The following CPT1A variants were observed in gnomAD, a reference collection of about 807,000 sequenced individuals.
CPT1A encodes carnitine O-palmitoyltransferase 1, liver isoform.
In CPT1A, 64 loss-of-function variants were observed where a neutral mutation model predicts 100.8. That is an observed-to-expected ratio of 0.63 (90% CI 0.52 to 0.78). The LOEUF is 0.78. Among genes scored for constraint, CPT1A ranks in the 30% least tolerant of loss-of-function variants. CPT1A has a pLI of 0.00. For missense variants in CPT1A, 802 were observed against 1,034.1 expected (o/e 0.78, Z 3.08); for synonymous variants, 363 against 396.0 (o/e 0.92, Z 0.99).
chr11:68,838,502 C>G (rs1341509279), intron 1 of CPT1A, among the ~76,000 whole-genome samples: 1 of 139,242 alleles, frequency 7.2e-6, no homozygotes, highest in Non-Finnish European at 1.5e-5. Flanking sequence ...GTCAAAGAAA[C>G]TGGTAATAGT....
In CPT1A at chr11:68,762,725, T is replaced by C. The variant is rs1335224974; in HGVS notation, c.1777A>G (p.Met593Val). Reference sequence around the variant, plus strand: ...CTCCCCTCTCGGAAGAGCCGGGTCATGGAGGCCTCGTATGTGAGGCAAAAC... The same window carrying C: ...CTCCCCTCTCGGAAGAGCCGGGTCACGGAGGCCTCGTATGTGAGGCAAAAC... Reference protein sequence around the residue: ...GKFCLTYEASMTRLFREGRTE... With the variant: ...GKFCLTYEASVTRLFREGRTE... The change falls in exon 15 of 19, where the codon ATG (methionine) becomes GTG (valine). Residue 593 changes from methionine to valine, a missense_variant. Physicochemically the swap from Met to Val is conservative, Grantham distance 21. Coordinates refer to ENST00000265641, the MANE Select transcript of CPT1A (RefSeq NM_001876.4). 2 of 1,614,042 alleles carry C rather than the reference T, an allele frequency of 1.2e-6. No homozygotes were observed. Among genetic ancestry groups the C allele is most frequent in the Non-Finnish European group, 1.7e-6 (2 of 1,180,002 alleles).
intron 3 of CPT1A, among the ~76,000 whole-genome samples, chr11:68,810,171 C>T (rs556641680): frequency 6.7e-6 from 1 of 148,978 alleles, no homozygotes; most frequent in South Asian, 2.1e-4. Flanking sequence ...GAGTGAGACT[C>T]TATCTCAAAA....
At chr11:68,794,535 C>G (rs1253736281) in intron 8 of CPT1A, among the ~76,000 whole-genome samples, 7 of 152,152 alleles carry the variant, frequency 4.6e-5, no homozygotes, top group Admixed American at 2.0e-4. Flanking sequence ...ATCGGCCTCC[C>G]GAGTAGCTGG....
At chr11:68,773,577 G>A (rs1280560374) in intron 13 of CPT1A, 148 bp from the exon 14 acceptor site, 1 of 1,424,656 alleles carries the variant, frequency 7.0e-7, no homozygotes, top group Non-Finnish European at 9.5e-7. Flanking sequence ...AGAAGCCCTA[G>A]TAAGTTAGGG....
At chr11:68,779,448 G>C (rs1331421478) in intron 12 of CPT1A, among the ~76,000 whole-genome samples, 1 of 139,274 alleles carries the variant, frequency 7.2e-6, no homozygotes, top group African/African-American at 2.7e-5. Context: ...AATTTCTCAT[G>C]CCAAACACGG....
chr11:68,765,380 C>T (rs1262641646), intron 14 of CPT1A, among the ~76,000 whole-genome samples: 2 of 152,200 alleles, frequency 1.3e-5, no homozygotes, highest in African/African-American at 2.4e-5. Context: ...GCAAGCCCCA[C>T]TGGAGCTCAG....
chr11:68,813,982 C>G (rs1340677942), intron 2 of CPT1A, among the ~76,000 whole-genome samples: 1 of 152,116 alleles, frequency 6.6e-6, no homozygotes, highest in East Asian at 1.9e-4. Context: ...GCCACCTGCT[C>G]TTGAGCTTAG....
chr11:68,809,364 A>C (rs939903022), intron 3 of CPT1A, among the ~76,000 whole-genome samples: 1 of 152,254 alleles, frequency 6.6e-6, no homozygotes, highest in African/African-American at 2.4e-5. Flanking sequence ...CAAGATTTTT[A>C]AAAGTATAGA....
chr11:68,764,228 C>A (rs372791241), intron 14 of CPT1A, among the ~76,000 whole-genome samples: 3 of 152,306 alleles, frequency 2.0e-5, no homozygotes, highest in African/African-American at 7.2e-5. Context: ...CCGGGGCCAC[C>A]AGGCCAGCTC....
chr11:68,815,811 C>T (rs1324511752), intron 1 of CPT1A, among the ~76,000 whole-genome samples: 2 of 149,366 alleles, frequency 1.3e-5, no homozygotes, highest in African/African-American at 5.0e-5. Flanking sequence ...TCAACTCTGG[C>T]CCTGGACGTC....
chr11:68,811,551 T>G (rs1329960209), intron 3 of CPT1A, among the ~76,000 whole-genome samples: 2 of 149,614 alleles, frequency 1.3e-5, no homozygotes, highest in East Asian at 2.0e-4. Flanking sequence ...GGGCAGGGGG[T>G]GGGGGGACCT....
rs1423207038 is a variant in CPT1A at position 68,773,340 on chromosome 11, A to G, written c.1665T>C (p.Gly555=). 1 of 1,613,974 alleles carries G rather than the reference A, an allele frequency of 6.2e-7. No individual in the cohort carries two copies. The highest frequency in any genetic ancestry group is 1.3e-5 in the African/African-American group (1 of 74,894). Reference sequence around the variant, plus strand: ...TGCGACATTTCTTGATGATTCCTTTACCAAAGGCTACGAATGGGAAGGAAT... The same window carrying G: ...TGCGACATTTCTTGATGATTCCTTTGCCAAAGGCTACGAATGGGAAGGAAT... ...DFHSFPFVAF[G]KGIIKKCRTS... is the part of the protein sequence containing the mutation. The change falls in exon 14 of 19, where the codon GGT becomes GGC. Residue 555 remains glycine (G), a synonymous_variant. Transcript: ENST00000265641.
At position 68,812,171 on chromosome 11, in the gene CPT1A, C is replaced by T. The variant is rs2278905; in HGVS notation, c.281+266G>A. Reference sequence around the variant, plus strand: ...GCACTGTCATTATTGACCAAACCCTCGGGCCCTGACACCTTCCAAGGGGTG... The same window carrying T: ...GCACTGTCATTATTGACCAAACCCTTGGGCCCTGACACCTTCCAAGGGGTG... On this transcript the variant is annotated intron_variant, in intron 3 of 18. Coordinates refer to ENST00000265641, the MANE Select transcript of CPT1A (RefSeq NM_001876.4). 0.097 allele frequency among the ~76,000 whole-genome samples: 14,826 copies of T among 152,214 alleles called. 725 individuals are homozygous for T. The highest frequency in any genetic ancestry group is 0.1 in the Non-Finnish European group (6,787 of 68,002).
In CPT1A at chr11:68,832,005, T is replaced by C. The variant is rs1856893005; in HGVS notation, c.-14+9770A>G. On this transcript the variant is annotated intron_variant, in intron 1 of 18. Transcript: ENST00000265641. The stretch of plus-strand genomic sequence containing the variant: ...ACCCATATATATTTTTATATTGATG[T>C]ATTTGACTAGCATTAGATCATTTAA... Among the ~76,000 whole-genome samples, 6 of 152,356 alleles carry C rather than the reference T, an allele frequency of 3.9e-5. No homozygotes were observed. In the South Asian group the frequency reaches 1.2e-3, roughly 32 times the overall value.
chr11:68,773,336 C>T lies in CPT1A; in HGVS notation c.1669G>A (p.Gly557Arg), dbSNP rs1358714231. ...HSFPFVAFGK[G>R]IIKKCRTSPD... The stretch of plus-strand genomic sequence containing the variant: ...CTCGTGCGACATTTCTTGATGATTC[C>T]TTTACCAAAGGCTACGAATGGGAAG... The change falls in exon 14 of 19, where the codon GGA (glycine) becomes AGA (arginine). Residue 557 changes from glycine (G) to arginine (R), a missense_variant. Gly to Arg is a moderately radical substitution (Grantham distance 125, BLOSUM62 -2). Transcript: ENST00000265641. The T allele has an allele frequency of 1.2e-6, 2 of 1,614,190 alleles. No individual in the cohort carries two copies. Among genetic ancestry groups the T allele is most frequent in the South Asian group, 2.2e-5 (2 of 91,084 alleles).
intron 5 of CPT1A, among the ~76,000 whole-genome samples, chr11:68,800,201 G>C (rs1054321540): frequency 7.2e-5 from 11 of 152,146 alleles, no homozygotes; most frequent in African/African-American, 2.7e-4. Flanking sequence ...CAGTGCCCCA[G>C]GTTCAGGGTT....
rs1429855011 is a variant in CPT1A at position 68,841,830 on chromosome 11, CGGT to C, written c.-72_-70del. 1.0e-5 allele frequency: 10 copies of C among 997,408 alleles called. No individual in the cohort carries two copies. Among genetic ancestry groups the C allele is most frequent in the Non-Finnish European group, 1.2e-5 (10 of 840,328 alleles). 61.8% of individuals were successfully genotyped at this position (997,408 alleles called of 1,614,324 possible). ...GCGGCAGCGGCGGCGGCGGCGGCGGCGGTGGAGTGAACGAGCGGCGAGCGGGAG... is the reference window on the plus strand; with the variant it reads ...GCGGCAGCGGCGGCGGCGGCGGCGGCGGAGTGAACGAGCGGCGAGCGGGAG... On this transcript the variant is annotated 5_prime_UTR_variant, in exon 1 of 19. Transcript: ENST00000265641. This position sits in a 1 kb window ranked among gnomAD's most constrained non-coding sequence, Gnocchi z 6.3.
Position 68,761,605 on chromosome 11 carries a change from A to G in CPT1A, c.1958T>C (p.Ile653Thr), listed in dbSNP as rs569816517. 7.9e-5 allele frequency: 128 copies of G among 1,614,096 alleles called. 2 individuals are homozygous for G. In the South Asian group the frequency reaches 1.4e-3, roughly 17 times the overall value. Residue 653 changes from isoleucine to threonine, a missense_variant, in exon 16 of 19, where the codon ATC becomes ACC. Physicochemically the swap from Ile to Thr is moderately conservative, Grantham distance 89 (BLOSUM62 -1). Coordinates refer to ENST00000265641, the MANE Select transcript of CPT1A (RefSeq NM_001876.4). The stretch of plus-strand genomic sequence containing the variant: ...GTAAAGGCAGAAGAGGTGACGATCG[A>G]TCCCAGAGCCGGTCATGGCGAGGCG... ...MYRLAMTGSG[I>T]DRHLFCLYVV...
rs368790901 is a variant in CPT1A at position 68,794,921 on chromosome 11, G to A, written c.772-10C>T. On this transcript the variant is annotated splice_polypyrimidine_tract_variant and intron_variant, in intron 7 of 18. Coordinates refer to ENST00000265641, the MANE Select transcript of CPT1A (RefSeq NM_001876.4). The stretch of plus-strand genomic sequence containing the variant: ...GGATATACAGCAGATCCTGAAAAGC[G>A]ACAAAGGTGGAGAGAATTTGCATAG... The A allele has an allele frequency of 1.4e-5, 22 of 1,607,948 alleles. No individual in the cohort carries two copies. The highest frequency in any genetic ancestry group is 6.7e-5 in the African/African-American group (5 of 74,764).
Sources: gnomAD v4.1 joint callset for allele counts (sites outside exome capture counted in the v4.1 genomes callset) on GRCh38, gnomAD v4.1.1 for gene constraint, Gnocchi (gnomAD v3.1) non-coding constraint, MANE v1.5 for transcripts, NCBI Gene and HGNC (gene_info 2026-07-23, HGNC 2026-07-21) for gene names.